The following COMMD10 variants were observed in gnomAD, a reference collection of about 807,000 sequenced individuals.
COMMD10 encodes the protein COMM domain containing 10, also known as COMM domain-containing protein 10.
Under a neutral mutation model 28.9 loss-of-function variants are expected in COMMD10, and 33 were observed. That is an observed-to-expected ratio of 1.14 (90% confidence interval 0.87 to 1.53). The LOEUF is 1.53. Ranked by LOEUF, COMMD10 falls within the 40% of genes most tolerant of loss-of-function variation. The pLI is 0.00. For missense variants in COMMD10, 310 were observed against 233.4 expected (o/e 1.33, Z -2.14); for synonymous variants, 110 against 81.7 (o/e 1.35, Z -1.87).
intron 5 of COMMD10, among the ~76,000 whole-genome samples, chr5:116,177,397 C>T (rs1254001565): frequency 6.6e-6 from 1 of 152,050 alleles, no homozygotes; most frequent in Non-Finnish European, 1.5e-5. Flanking sequence ...TTATTATCTC[C>T]ATCCTAAGGG....
At chr5:116,117,309 C>T (rs992810233) in intron 4 of COMMD10, among the ~76,000 whole-genome samples, 1 of 152,014 alleles carries the variant, frequency 6.6e-6, no homozygotes, top group Non-Finnish European at 1.5e-5. Flanking sequence ...ATTGCTGATC[C>T]CCCAAGCCAA....
rs371941001 is a variant in COMMD10 at position 116,190,654 on chromosome 5, T to A, written c.510+56476T>A. Among the ~76,000 whole-genome samples, 7 of 152,330 alleles carry A rather than the reference T, an allele frequency of 4.6e-5. No individual in the cohort carries two copies. In the East Asian group the frequency reaches 1.2e-3, roughly 25 times the overall value. ...TTGAGTTGGGATTGTAAAGTCTTGC[T>A]ACCATGTTTTGAGGAATACCTCTTA... On this transcript the variant is annotated intron_variant, in intron 5 of 6. Transcript: ENST00000274458.
intron 5 of COMMD10, among the ~76,000 whole-genome samples, chr5:116,228,347 A>G (rs984283398): frequency 1.3e-5 from 2 of 151,992 alleles, no homozygotes; most frequent in Non-Finnish European, 2.9e-5. Context: ...TTTAAAATTT[A>G]AAGTTCAAAA....
intron 5 of COMMD10, among the ~76,000 whole-genome samples, chr5:116,239,177 A>C (rs1749752608): frequency 1.3e-5 from 2 of 152,116 alleles, no homozygotes; most frequent in African/African-American, 2.4e-5. Flanking sequence ...TACTAAAATA[A>C]CTCTTCACAC....
At chr5:116,090,985 TC>T (rs1561594725) in intron 2 of COMMD10, 93 bp from the exon 3 acceptor site, 2 of 650,040 alleles carry the variant, frequency 3.1e-6, no homozygotes, top group African/African-American at 3.7e-5. Flanking sequence ...TTTAAAGTTC[TC>T]ATCTCATATA....
At chr5:116,118,323 A>G (rs139639872) in intron 4 of COMMD10, among the ~76,000 whole-genome samples, 11 of 152,328 alleles carry the variant, frequency 7.2e-5, no homozygotes, top group African/African-American at 2.4e-4. Flanking sequence ...TACCACCAGA[A>G]TATAAGCTCC....
At chr5:116,251,153 T>A (rs993697286) in intron 5 of COMMD10, among the ~76,000 whole-genome samples, 4 of 152,018 alleles carry the variant, frequency 2.6e-5, no homozygotes, top group African/African-American at 9.7e-5. Flanking sequence ...TTTCTGAAGC[T>A]GTCATTTCAA....
intron 5 of COMMD10, among the ~76,000 whole-genome samples, chr5:116,177,750 A>G (rs1753563341): frequency 6.6e-6 from 1 of 152,092 alleles, no homozygotes; most frequent in African/African-American, 2.4e-5. Flanking sequence ...TAAAACTTAT[A>G]TGCTACCTTG....
intron 5 of COMMD10, among the ~76,000 whole-genome samples, chr5:116,250,938 G>A (rs1750094986): frequency 6.6e-6 from 1 of 151,916 alleles, no homozygotes; most frequent in Non-Finnish European, 1.5e-5. Context: ...GTGCCTCTTG[G>A]CATGCCACTA....
chr5:116,149,878 A>T (rs1185983040), intron 5 of COMMD10, among the ~76,000 whole-genome samples: 1 of 150,442 alleles, frequency 6.6e-6, no homozygotes, highest in Admixed American at 6.6e-5. Flanking sequence ...CCATTTGTCA[A>T]TTTTGTCTTT....
At chr5:116,285,982 A>G (rs1435591819) in intron 5 of COMMD10, among the ~76,000 whole-genome samples, 1 of 151,842 alleles carries the variant, frequency 6.6e-6, no homozygotes, top group African/African-American at 2.4e-5. Flanking sequence ...CAGTGAAGCC[A>G]TCTGGTCCTG....
intron 3 of COMMD10, 54 bp downstream of exon 3, chr5:116,091,243 ATTG>A (rs1750290255): frequency 1.1e-6 from 1 of 901,518 alleles, no homozygotes; most frequent in African/African-American, 1.7e-5. Context: ...ACATATTTGT[ATTG>A]TTATGATATC....
At chr5:116,289,009 G>A (rs1258657411) in intron 5 of COMMD10, among the ~76,000 whole-genome samples, 1 of 150,348 alleles carries the variant, frequency 6.7e-6, no homozygotes, top group Non-Finnish European at 1.5e-5. Context: ...AGCCTCCTGA[G>A]TAGCTGGGAT....
intron 5 of COMMD10, among the ~76,000 whole-genome samples, chr5:116,166,448 C>T (rs2112574209): frequency 6.6e-6 from 1 of 152,170 alleles, no homozygotes; most frequent in African/African-American, 2.4e-5. Context: ...TAAATTGTAC[C>T]ATCTAATAAA....
At chr5:116,238,563 G>A (rs1273723265) in intron 5 of COMMD10, among the ~76,000 whole-genome samples, 1 of 152,144 alleles carries the variant, frequency 6.6e-6, no homozygotes, top group African/African-American at 2.4e-5. Flanking sequence ...TACCCTCTGT[G>A]CCATAGAAGG....
chr5:116,272,890 T>G (rs1174047320), intron 5 of COMMD10, among the ~76,000 whole-genome samples: 1 of 151,880 alleles, frequency 6.6e-6, no homozygotes, highest in Non-Finnish European at 1.5e-5. Context: ...TGAACAAGAT[T>G]ATTTTTTTCC....
intron 4 of COMMD10, among the ~76,000 whole-genome samples, chr5:116,100,851 A>C (rs138200945): frequency 6.6e-6 from 1 of 152,216 alleles, no homozygotes; most frequent in East Asian, 1.9e-4. Context: ...ATAATGGTGA[A>C]TTCAGGACTT....
rs181039648 is a variant in COMMD10, at chr5:116,263,715, T to C, written c.511-27802T>C. Among the ~76,000 whole-genome samples, 456 of 151,888 alleles carry C rather than the reference T, an allele frequency of 3.0e-3. 7 individuals are homozygous for C. The highest frequency in any genetic ancestry group is 0.028 in the Admixed American group (427 of 15,220). ...GAGATAAACTCGACCAATTGTCAAC[T>C]AGAAAATATTTAAATTTACCTATAG... On this transcript the variant is annotated intron_variant, in intron 5 of 6. Transcript: ENST00000274458.
chr5:116,135,347 TTA>T (rs913492482), intron 5 of COMMD10, among the ~76,000 whole-genome samples: 82 of 152,344 alleles, frequency 5.4e-4, no homozygotes, highest in African/African-American at 1.9e-3. Flanking sequence ...TCTGGCTTCT[TTA>T]AGAAGTATCT....
Sources: allele counts gnomAD v4.1 joint callset (sites outside exome capture counted in the v4.1 genomes callset), GRCh38; gene constraint gnomAD v4.1.1; transcripts MANE v1.5; gene names NCBI Gene and HGNC (gene_info 2026-07-23, HGNC 2026-07-21).